Variants in WDR49 observed in about 807,000 individuals in gnomAD.
WDR49 encodes cilia- and flagella-associated protein 337.
In WDR49, 107 loss-of-function variants were observed where a neutral mutation model predicts 119.5. The ratio of observed to expected loss-of-function variants is 0.90; its 90% CI spans 0.77 to 1.05. The LOEUF is 1.05. Ranked by LOEUF, WDR49 falls within the 50% of genes least tolerant of loss-of-function variation. The probability of loss-of-function intolerance (pLI) is 0.00; values close to 1 mark genes in which losing one functional copy is unlikely to be tolerated. For missense variants in WDR49, 1,240 were observed against 1,220.5 expected, an observed-to-expected ratio of 1.02 and a Z score of -0.24; for synonymous variants, 425 against 418.8, an observed-to-expected ratio of 1.01 and a Z score of -0.18.
chr3:167,621,761 AC>A, intron 3 of WDR49, 118 bp from the exon 4 acceptor site: 1 of 930,728 alleles, frequency 1.1e-6, no homozygotes, highest in Non-Finnish European at 1.5e-6. Flanking sequence ...AGGATCCTTA[AC>A]AGTATTACAG....
At chr3:167,494,804 T>C (rs1414702907) in intron 18 of WDR49, among the ~76,000 whole-genome samples, 2 of 152,156 alleles carry the variant, frequency 1.3e-5, no homozygotes, top group African/African-American at 4.8e-5. Context: ...CCTGGGGTGG[T>C]GTGGGAGACT....
intron 5 of WDR49, among the ~76,000 whole-genome samples, chr3:167,610,610 C>A (rs931938038): frequency 1.3e-5 from 2 of 152,222 alleles, no homozygotes; most frequent in African/African-American, 4.8e-5. Flanking sequence ...GGCTGGGGGA[C>A]CTTGCTGCCC....
intron 13 of WDR49, among the ~76,000 whole-genome samples, chr3:167,530,682 T>G (rs2108241801): frequency 6.6e-6 from 1 of 152,240 alleles, no homozygotes; most frequent in Admixed American, 6.5e-5. Context: ...TCCTCATTAT[T>G]CTCTTCCAGC....
intron 15 of WDR49, among the ~76,000 whole-genome samples, chr3:167,523,371 T>A (rs116872016): frequency 0.011 from 1,575 of 148,424 alleles, 84 homozygotes; most frequent in Admixed American, 0.096. Flanking sequence ...TCTTAAGGAA[T>A]GACATACATT....
At chr3:167,497,570 G>C (rs1021864453) in intron 18 of WDR49, among the ~76,000 whole-genome samples, 2 of 152,148 alleles carry the variant, frequency 1.3e-5, no homozygotes, top group African/African-American at 4.8e-5. Flanking sequence ...TTCTGCCACA[G>C]ATTATATAAA....
At chr3:167,495,559 TAAAC>T (rs1222584478) in intron 18 of WDR49, among the ~76,000 whole-genome samples, 1 of 146,272 alleles carries the variant, frequency 6.8e-6, no homozygotes, top group Non-Finnish European at 1.5e-5. Flanking sequence ...GTGATATAAT[TAAAC>T]AGTCTAACAT....
At chr3:167,648,681 G>A (rs1442005421) in intron 2 of WDR49, among the ~76,000 whole-genome samples, 1 of 152,142 alleles carries the variant, frequency 6.6e-6, no homozygotes, top group African/African-American at 2.4e-5. Flanking sequence ...GTTACCTGTA[G>A]CCATATGACT....
Position 167,560,185 on chromosome 3 carries a change from A to G in WDR49, c.1553T>C (p.Ile518Thr). 6.2e-7 allele frequency: 1 copy of G among 1,614,148 alleles called. No individual in the cohort carries two copies. The highest frequency in any genetic ancestry group is 2.2e-5 in the East Asian group (1 of 44,888). Reference sequence around the variant, plus strand: ...CTGTTTGATTTTCTGCCCAGTGTCTATCATCCAGAAGGAAACAGTAGACCC... The same window carrying G: ...CTGTTTGATTTTCTGCCCAGTGTCTGTCATCCAGAAGGAAACAGTAGACCC... ...DTGSTVSFWM[I>T]DTGQKIKQFT... is the part of the protein sequence containing the mutation. The change falls in exon 9 of 19, where the codon ATA (isoleucine) becomes ACA (threonine). Residue 518 changes from isoleucine (I) to threonine (T), a missense_variant. Coordinates refer to ENST00000682715, the MANE Select transcript of WDR49 (RefSeq NM_001366157.1).
intron 8 of WDR49, chr3:167,575,218 G>A: frequency 1.0e-6 from 1 of 985,668 alleles, no homozygotes; most frequent in African/African-American, 1.7e-5. Flanking sequence ...CTCCCTTCAT[G>A]ATACCCACAG....
At chr3:167,611,216 G>C (rs988210406) in intron 5 of WDR49, among the ~76,000 whole-genome samples, 2 of 152,182 alleles carry the variant, frequency 1.3e-5, no homozygotes, top group Non-Finnish European at 2.9e-5. Flanking sequence ...TTAAAATGTA[G>C]AGTTTTTATT....
chr3:167,638,729 C>A (rs1339167401), intron 2 of WDR49, among the ~76,000 whole-genome samples: 1 of 151,508 alleles, frequency 6.6e-6, no homozygotes, highest in African/African-American at 2.4e-5. Flanking sequence ...TTTTTTCTTG[C>A]TTCAATAGAT....
chr3:167,504,978 T>C (rs1439815331), intron 17 of WDR49, among the ~76,000 whole-genome samples: 2 of 152,230 alleles, frequency 1.3e-5, no homozygotes, highest in African/African-American at 4.8e-5. Flanking sequence ...TTATGGTTCC[T>C]GTACAGCCTG....
chr3:167,602,151 T>C lies in WDR49; in HGVS notation c.1251A>G (p.Gln417=). ...CTTTATCCTTGGAGAAGCTGAAAAG[T>C]TGTTTTCTTTCCACAAAGAATTGGA... The part of the protein sequence containing the change: ...IAVQFFVERK[Q]LFSFSKDKVL... The change falls in exon 7 of 19, where the codon CAA becomes CAG. Residue 417 remains glutamine, a synonymous_variant. Transcript: ENST00000682715. The C allele has an allele frequency of 6.3e-7, 1 of 1,599,544 alleles. No individual in the cohort carries two copies. Among genetic ancestry groups the C allele is most frequent in the Non-Finnish European group, 8.5e-7 (1 of 1,169,770 alleles).
intron 2 of WDR49, among the ~76,000 whole-genome samples, chr3:167,645,574 T>C (rs1354834032): frequency 6.6e-6 from 1 of 152,170 alleles, no homozygotes; most frequent in Non-Finnish European, 1.5e-5. Context: ...AAATTTTATA[T>C]GGCTGGCTAT....
At chr3:167,488,556 T>C (rs1365782537) in intron 18 of WDR49, among the ~76,000 whole-genome samples, 2 of 152,008 alleles carry the variant, frequency 1.3e-5, no homozygotes, top group Non-Finnish European at 2.9e-5. Flanking sequence ...AATAAATAAA[T>C]ACAAAGCTTA....
intron 7 of WDR49, among the ~76,000 whole-genome samples, chr3:167,576,800 T>C (rs905825079): frequency 6.6e-6 from 1 of 152,148 alleles, no homozygotes; most frequent in African/African-American, 2.4e-5. Context: ...GCTACTAAGT[T>C]TGTGCTCATG....
chr3:167,640,168 G>C (rs555950858), intron 2 of WDR49, among the ~76,000 whole-genome samples: 2 of 151,742 alleles, frequency 1.3e-5, no homozygotes, highest in Non-Finnish European at 2.9e-5. Flanking sequence ...TTTTGCACCC[G>C]CATATATAAT....
chr3:167,621,252 CA>C (rs963275909), intron 4 of WDR49, among the ~76,000 whole-genome samples: 8 of 151,614 alleles, frequency 5.3e-5, no homozygotes, highest in Non-Finnish European at 8.8e-5. Context: ...ATACACAGAC[CA>C]AAAAAACAAA....
intron 5 of WDR49, among the ~76,000 whole-genome samples, chr3:167,612,002 C>T (rs1240203198): frequency 6.6e-6 from 1 of 152,152 alleles, no homozygotes; most frequent in African/African-American, 2.4e-5. Context: ...GATATTTACA[C>T]AATATTCCAT....
Sources: allele counts gnomAD v4.1 joint callset (sites outside exome capture counted in the v4.1 genomes callset), GRCh38; gene constraint gnomAD v4.1.1; transcripts MANE v1.5; gene names NCBI Gene and HGNC (gene_info 2026-07-23, HGNC 2026-07-21).